NRCAM: variants seen among roughly 807,000 people sequenced by gnomAD.
NRCAM encodes NgCAM-related cell adhesion molecule.
In NRCAM, 83 loss-of-function variants were observed where a neutral mutation model predicts 156.5. The ratio of observed to expected loss-of-function variants is 0.53; its 90% confidence interval spans 0.44 to 0.64. The LOEUF (loss-of-function observed/expected upper bound fraction) is 0.64, where lower values mean the gene tolerates loss of function less well. Among genes scored for constraint, NRCAM ranks in the 30% least tolerant of loss-of-function variants. The probability of loss-of-function intolerance (pLI) is 0.00; values close to 1 mark genes in which losing one functional copy is unlikely to be tolerated. For synonymous variants in NRCAM, 538 were observed against 563.9 expected (o/e 0.95, Z 0.65); for missense variants, 1,417 against 1,597.3 (o/e 0.89, Z 1.92).
intron 3 of NRCAM, among the ~76,000 whole-genome samples, chr7:108,299,808 C>G (rs745606635): frequency 6.6e-6 from 1 of 152,128 alleles, no homozygotes; most frequent in Non-Finnish European, 1.5e-5. Context: ...CATTTTGTGT[C>G]CAAGCAGCGA....
At chr7:108,437,940 A>G (rs1202051104) in intron 1 of NRCAM, among the ~76,000 whole-genome samples, 1 of 151,916 alleles carries the variant, frequency 6.6e-6, no homozygotes, top group African/African-American at 2.4e-5. Context: ...TAGAGCAACC[A>G]TTCAAAAATA....
intron 3 of NRCAM, among the ~76,000 whole-genome samples, chr7:108,251,012 T>G (rs867916198): frequency 4.6e-5 from 7 of 152,218 alleles, no homozygotes; most frequent in Admixed American, 3.3e-4. Context: ...TCTAGCCTCC[T>G]AGAAGAGTCA....
At chr7:108,437,092 A>G (rs542141515) in intron 1 of NRCAM, among the ~76,000 whole-genome samples, 1 of 152,360 alleles carries the variant, frequency 6.6e-6, no homozygotes, top group East Asian at 1.9e-4. Flanking sequence ...ACCATAAAAA[A>G]GGATGAGATC....
intron 13 of NRCAM, among the ~76,000 whole-genome samples, chr7:108,202,987 A>G (rs2079000789): frequency 6.6e-6 from 1 of 152,180 alleles, no homozygotes; most frequent in Admixed American, 6.5e-5. Flanking sequence ...CAGTGGCCAC[A>G]GCCTTGGGCA....
intron 3 of NRCAM, among the ~76,000 whole-genome samples, chr7:108,240,790 G>A (rs1385765191): frequency 6.6e-6 from 1 of 152,146 alleles, no homozygotes; most frequent in African/African-American, 2.4e-5. Context: ...GTAGCCATAT[G>A]TGATCCCTCA....
At chr7:108,217,206 A>T (rs1309091486) in intron 11 of NRCAM, among the ~76,000 whole-genome samples, 1 of 152,198 alleles carries the variant, frequency 6.6e-6, no homozygotes, top group Admixed American at 6.5e-5. Context: ...AGTTTGCTGG[A>T]GGTCCACTCC....
chr7:108,209,435 G>T lies in NRCAM; in HGVS notation c.1061C>A (p.Ser354Tyr), dbSNP rs1486544648. 3 of 1,591,930 alleles carry T rather than the reference G, an allele frequency of 1.9e-6. No individual in the cohort carries two copies. Among genetic ancestry groups the T allele is most frequent in the Non-Finnish European group, 2.6e-6 (3 of 1,170,904 alleles). The change falls in exon 12 of 33, where the codon TCT (serine) becomes TAT (tyrosine). Residue 354 changes from serine (S) to tyrosine (Y), a missense_variant. Ser to Tyr is a moderately radical substitution (Grantham distance 144). This residue lies in a region of NRCAM where 1,238 missense variants were observed against 1,336.4 expected (regional missense o/e 0.93). Transcript: ENST00000379028. Reference sequence around the variant, plus strand: ...AAACAATATACCTTTAACTCTAACAGAAATGGTATGGTGGATGGCTCCTAA... The same window carrying T: ...AAACAATATACCTTTAACTCTAACATAAATGGTATGGTGGATGGCTCCTAA... The part of the protein sequence containing the change: ...NALGAIHHTI[S>Y]VRVKAAPYWI...
intron 28 of NRCAM, 33 bp downstream of exon 28, chr7:108,175,289 C>G: frequency 6.5e-7 from 1 of 1,539,354 alleles, no homozygotes; most frequent in South Asian, 1.2e-5. Flanking sequence ...AAATTTCACA[C>G]ATGTATAAAG....
chr7:108,288,804 C>T (rs1334380325), intron 3 of NRCAM, among the ~76,000 whole-genome samples: 1 of 151,904 alleles, frequency 6.6e-6, no homozygotes, highest in Non-Finnish European at 1.5e-5. Flanking sequence ...CCATATAGAC[C>T]ATCACTACTG....
chr7:108,425,598 C>T (rs974954630), intron 1 of NRCAM, among the ~76,000 whole-genome samples: 1 of 152,162 alleles, frequency 6.6e-6, no homozygotes, highest in Non-Finnish European at 1.5e-5. Context: ...TTATCCCTGA[C>T]TTTATAGTTC....
intron 1 of NRCAM, among the ~76,000 whole-genome samples, chr7:108,453,322 C>A (rs1355951095): frequency 6.6e-6 from 1 of 152,168 alleles, no homozygotes; most frequent in African/African-American, 2.4e-5. Flanking sequence ...TGAAATGATT[C>A]TTGAAATTTT....
intron 3 of NRCAM, among the ~76,000 whole-genome samples, chr7:108,310,504 A>G (rs2098788516): frequency 6.6e-6 from 1 of 152,166 alleles, no homozygotes; most frequent in Non-Finnish European, 1.5e-5. Context: ...TGGGCCTGAG[A>G]GTTTGCAAAC....
At chr7:108,239,157 T>G (rs1173740021) in intron 4 of NRCAM, among the ~76,000 whole-genome samples, 1 of 152,184 alleles carries the variant, frequency 6.6e-6, no homozygotes, top group Non-Finnish European at 1.5e-5. Flanking sequence ...GAAAAGTGAC[T>G]GGGTGGAACC....
At chr7:108,380,717 G>C (rs966762569) in intron 2 of NRCAM, among the ~76,000 whole-genome samples, 4 of 152,074 alleles carry the variant, frequency 2.6e-5, no homozygotes, top group African/African-American at 9.7e-5. Flanking sequence ...CTGTTGCTCA[G>C]GCTGAGTACA....
intron 1 of NRCAM, among the ~76,000 whole-genome samples, chr7:108,402,841 A>T (rs998611787): frequency 1.3e-5 from 2 of 152,238 alleles, no homozygotes; most frequent in Admixed American, 6.5e-5. Context: ...ATACGCTAGA[A>T]CAAAGACAAT....
chr7:108,368,262 T>C (rs1333576740), intron 2 of NRCAM, among the ~76,000 whole-genome samples: 1 of 71,978 alleles, frequency 1.4e-5, no homozygotes, highest in African/African-American at 5.6e-5. Context: ...TACTGCTGAA[T>C]ACATAATCTA....
chr7:108,173,581 C>T (rs1026054853), intron 28 of NRCAM, among the ~76,000 whole-genome samples: 1 of 152,048 alleles, frequency 6.6e-6, no homozygotes, highest in African/African-American at 2.4e-5. Context: ...GTCTTACTGG[C>T]AAAATATCCT....
chr7:108,218,383 T>C (rs2090609952), intron 11 of NRCAM, among the ~76,000 whole-genome samples: 2 of 152,202 alleles, frequency 1.3e-5, no homozygotes, highest in African/African-American at 2.4e-5. Context: ...TATTCAGCCA[T>C]CTTTCTAGCC....
chr7:108,438,024 T>G (rs1834223577), intron 1 of NRCAM, among the ~76,000 whole-genome samples: 1 of 140,882 alleles, frequency 7.1e-6, no homozygotes, highest in South Asian at 2.2e-4. Context: ...AATAGGCCTA[T>G]AAGAAGTAAA....
Sources: gnomAD v4.1 joint callset for allele counts (sites outside exome capture counted in the v4.1 genomes callset) on GRCh38, gnomAD v4.1.1 for gene constraint, gnomAD v4.1.1 regional missense constraint, MANE v1.5 for transcripts, NCBI Gene and HGNC (gene_info 2026-07-23, HGNC 2026-07-21) for gene names.